Variants in SAMMSON observed in about 807,000 individuals in gnomAD.
SAMMSON encodes survival associated mitochondrial melanoma specific oncogenic non-coding RNA.
At chr3:70,400,222 G>A (rs1289934117) in intron 2 of SAMMSON, among the ~76,000 whole-genome samples, 1 of 152,154 alleles carries the variant, frequency 6.6e-6, no homozygotes, top group African/African-American at 2.4e-5. Flanking sequence ...ATGGTGCCAT[G>A]GTTTGGTTTG....
chr3:70,296,128 T>A (rs957466424), intron 7 of SAMMSON, among the ~76,000 whole-genome samples: 1 of 152,040 alleles, frequency 6.6e-6, no homozygotes, highest in Non-Finnish European at 1.5e-5. Flanking sequence ...GAAAGCCTTT[T>A]TTATCAGTAC....
chr3:70,202,699 C>A (rs1701252983), intron 4 of SAMMSON, among the ~76,000 whole-genome samples: 1 of 152,086 alleles, frequency 6.6e-6, no homozygotes, highest in Admixed American at 6.5e-5. Context: ...ACAAAAACCC[C>A]TTTGGGCTTC....
intron 3 of SAMMSON, among the ~76,000 whole-genome samples, chr3:70,017,505 G>C (rs1335841961): frequency 6.6e-6 from 1 of 152,082 alleles, no homozygotes; most frequent in Non-Finnish European, 1.5e-5. Context: ...GGGTTTTCTA[G>C]ATATACAATC....
chr3:70,388,980 C>T (rs1701017387), intron 9 of SAMMSON, among the ~76,000 whole-genome samples: 1 of 152,160 alleles, frequency 6.6e-6, no homozygotes, highest in South Asian at 2.1e-4. Flanking sequence ...AGGGAGTTCT[C>T]ACTCTCAAGG....
chr3:70,056,496 C>A (rs572343214), intron 3 of SAMMSON, among the ~76,000 whole-genome samples: 3 of 151,944 alleles, frequency 2.0e-5, no homozygotes, highest in African/African-American at 7.2e-5. Flanking sequence ...TATTTAGAAA[C>A]AACCTGTCCC....
At chr3:70,228,921 G>A (rs763334722) in intron 4 of SAMMSON, among the ~76,000 whole-genome samples, 119 of 152,212 alleles carry the variant, frequency 7.8e-4, no homozygotes, top group Non-Finnish European at 1.4e-3. Flanking sequence ...AAAGGTGTGA[G>A]TTAGCTTTCA....
chr3:70,055,579 A>C (rs1317742100), intron 3 of SAMMSON, among the ~76,000 whole-genome samples: 1 of 152,074 alleles, frequency 6.6e-6, no homozygotes, highest in Non-Finnish European at 1.5e-5. Flanking sequence ...GGAAGAATTT[A>C]TTATTCTCTC....
At chr3:70,059,552 T>A (rs750654897) in intron 3 of SAMMSON, among the ~76,000 whole-genome samples, 1 of 152,028 alleles carries the variant, frequency 6.6e-6, no homozygotes, top group African/African-American at 2.4e-5. Flanking sequence ...TGTTTGGAAG[T>A]GGGAGAAGAT....
chr3:70,264,751 C>T (rs1701899905), intron 6 of SAMMSON, among the ~76,000 whole-genome samples: 1 of 152,144 alleles, frequency 6.6e-6, no homozygotes, highest in South Asian at 2.1e-4. Flanking sequence ...GGAATAATAG[C>T]AGTGTGATGA....
In SAMMSON at chr3:70,058,516, C is replaced by G. The variant is rs139438828; in HGVS notation, n.418-12960C>G. ...TTGAAGTATAATGTATGTCCTGGAC[C>G]CAGTTCTAGTCTCAGTCCATAAAAA... On this transcript the variant is annotated intron_variant and non_coding_transcript_variant, in intron 3 of 9. Transcript: ENST00000642114. Among the ~76,000 whole-genome samples the G allele has an allele frequency of 1.9e-3, 284 of 151,986 alleles. 2 individuals are homozygous for G. The highest frequency in any genetic ancestry group is 6.6e-3 in the African/African-American group (275 of 41,496).
chr3:70,020,610 C>G (rs1258749098), intron 3 of SAMMSON, among the ~76,000 whole-genome samples: 2 of 152,120 alleles, frequency 1.3e-5, no homozygotes, highest in African/African-American at 4.8e-5. Flanking sequence ...TCATACTCCA[C>G]AGCTTTCATC....
At chr3:70,058,590 G>A (rs1425288362) in intron 3 of SAMMSON, among the ~76,000 whole-genome samples, 4 of 151,816 alleles carry the variant, frequency 2.6e-5, no homozygotes, top group South Asian at 2.1e-4. Flanking sequence ...TAAGAATTTT[G>A]TTTAGATGGA....
chr3:70,337,282 G>A (rs1385408745), intron 7 of SAMMSON, among the ~76,000 whole-genome samples: 3 of 150,372 alleles, frequency 2.0e-5, no homozygotes, highest in Non-Finnish European at 4.4e-5. Context: ...CTGCTCTTAG[G>A]TAGTTAATTT....
intron 2 of SAMMSON, among the ~76,000 whole-genome samples, chr3:70,397,022 G>C (rs887633432): frequency 1.3e-5 from 2 of 152,018 alleles, no homozygotes; most frequent in Non-Finnish European, 2.9e-5. Flanking sequence ...TCCTTTATTT[G>C]GACTGTGGAT....
At chr3:70,141,540 C>T (rs984852017) in intron 4 of SAMMSON, among the ~76,000 whole-genome samples, 10 of 149,946 alleles carry the variant, frequency 6.7e-5, no homozygotes, top group Non-Finnish European at 1.3e-4. Context: ...ATAAATACCC[C>T]CAGAAATAAT....
intron 3 of SAMMSON, among the ~76,000 whole-genome samples, chr3:70,019,439 A>G (rs1010852161): frequency 1.3e-5 from 2 of 152,116 alleles, no homozygotes; most frequent in Non-Finnish European, 2.9e-5. Context: ...TGCTTGGTAG[A>G]TCTTCCTCCA....
chr3:70,319,137 T>C (rs1702517462), intron 7 of SAMMSON, among the ~76,000 whole-genome samples: 1 of 152,048 alleles, frequency 6.6e-6, no homozygotes, highest in African/African-American at 2.4e-5. Flanking sequence ...CTGTCTCTTC[T>C]CTACATTATA....
At chr3:70,420,772 C>G (rs988288431) in intron 2 of SAMMSON, among the ~76,000 whole-genome samples, 19 of 152,112 alleles carry the variant, frequency 1.2e-4, no homozygotes, top group African/African-American at 4.1e-4. Flanking sequence ...AGCAAAGATG[C>G]TAACATTTCT....
chr3:70,043,420 A>T (rs966543690), intron 3 of SAMMSON, among the ~76,000 whole-genome samples: 1 of 152,118 alleles, frequency 6.6e-6, no homozygotes, highest in Non-Finnish European at 1.5e-5. Context: ...TTGGCCAGAA[A>T]GCTAAATTTT....
Sources: gnomAD v4.1 joint callset for allele counts (sites outside exome capture counted in the v4.1 genomes callset) on GRCh38, gnomAD v4.1.1 for gene constraint, MANE v1.5 for transcripts, NCBI Gene and HGNC (gene_info 2026-07-23, HGNC 2026-07-21) for gene names.